The following KCTD16 variants were observed in gnomAD, a reference collection of about 807,000 sequenced individuals.
KCTD16 encodes potassium channel tetramerization domain containing 16, also known as BTB/POZ domain-containing protein KCTD16.
In KCTD16, 13 loss-of-function variants were observed where a neutral mutation model predicts 33.2. That is an observed-to-expected ratio of 0.39 (90% CI 0.25 to 0.62). The LOEUF (loss-of-function observed/expected upper bound fraction) is 0.62. KCTD16 is among the 20% of genes least tolerant of loss of function. The probability of loss-of-function intolerance (pLI) is 0.50; values close to 1 mark genes in which losing one functional copy is unlikely to be tolerated. For missense variants in KCTD16, 441 were observed against 525.1 expected, an observed-to-expected ratio of 0.84 and a Z score of 1.57; for synonymous variants, 197 against 195.3, an observed-to-expected ratio of 1.01 and a Z score of -0.07.
chr5:144,447,627 TA>T (rs1434061570), intron 3 of KCTD16, among the ~76,000 whole-genome samples: 1 of 151,632 alleles, frequency 6.6e-6, no homozygotes, highest in African/African-American at 2.4e-5. Flanking sequence ...TCAGGAAAAG[TA>T]AAAAAATGTG....
chr5:144,361,330 G>A (rs886380115), intron 3 of KCTD16, among the ~76,000 whole-genome samples: 21 of 151,928 alleles, frequency 1.4e-4, no homozygotes, highest in Non-Finnish European at 1.8e-4. Flanking sequence ...CTAGATTGTT[G>A]GGGATGTTAT....
chr5:144,238,044 A>G (rs969701477), intron 3 of KCTD16, among the ~76,000 whole-genome samples: 1 of 152,188 alleles, frequency 6.6e-6, no homozygotes, highest in South Asian at 2.1e-4. Context: ...GGGGAAATTG[A>G]TGCCATCACT....
chr5:144,289,540 T>G (rs1755837877), intron 3 of KCTD16, among the ~76,000 whole-genome samples: 1 of 152,178 alleles, frequency 6.6e-6, no homozygotes, highest in Non-Finnish European at 1.5e-5. Flanking sequence ...GATTCCATGC[T>G]CGTACTTTCC....
At chr5:144,448,019 A>C (rs1753859580) in intron 3 of KCTD16, among the ~76,000 whole-genome samples, 1 of 151,562 alleles carries the variant, frequency 6.6e-6, no homozygotes, top group African/African-American at 2.4e-5. Context: ...GGGCCTTTAC[A>C]ATCTGATCTG....
At chr5:144,376,928 A>C (rs1752106190) in intron 3 of KCTD16, among the ~76,000 whole-genome samples, 1 of 152,228 alleles carries the variant, frequency 6.6e-6, no homozygotes, top group Non-Finnish European at 1.5e-5. Context: ...ATAATTGAGC[A>C]GTCTTTCTGT....
At chr5:144,370,882 C>G (rs1162465010) in intron 3 of KCTD16, among the ~76,000 whole-genome samples, 1 of 152,042 alleles carries the variant, frequency 6.6e-6, no homozygotes, top group African/African-American at 2.4e-5. Context: ...AACCATCAAT[C>G]ACAGTCCTAA....
intron 1 of KCTD16, among the ~76,000 whole-genome samples, chr5:144,171,323 C>T (rs1261858276): frequency 6.6e-6 from 1 of 151,806 alleles, no homozygotes; most frequent in African/African-American, 2.4e-5. Flanking sequence ...TTAGAGAAGA[C>T]CAGAAAAGAG....
intron 3 of KCTD16, among the ~76,000 whole-genome samples, chr5:144,234,004 C>T (rs747881189): frequency 7.9e-5 from 12 of 152,124 alleles, no homozygotes; most frequent in Admixed American, 2.0e-4. Flanking sequence ...GTAATATTTT[C>T]TGCTTAGAAA....
At chr5:144,423,420 T>G (rs1753253820) in intron 3 of KCTD16, among the ~76,000 whole-genome samples, 1 of 152,136 alleles carries the variant, frequency 6.6e-6, no homozygotes, top group Non-Finnish European at 1.5e-5. Context: ...AGGAGAGAGA[T>G]AATGACTTCT....
chr5:144,367,747 G>A (rs1048715579), intron 3 of KCTD16, among the ~76,000 whole-genome samples: 1 of 147,844 alleles, frequency 6.8e-6, no homozygotes, highest in Admixed American at 6.9e-5. Flanking sequence ...GTGCAGGTTT[G>A]TTACAAAGAT....
rs956247718 is a variant in KCTD16, at chr5:144,476,821, G to A, written c.*2707G>A. On this transcript the variant is annotated 3_prime_UTR_variant, in exon 4 of 4. Transcript: ENST00000512467. ...TGCTCTAGTAACTCTGGTAGTCACT[G>A]TGACTCGGGCATGTTTCCCTGAAGT... The A allele has an allele frequency of 6.6e-6, 1 of 152,138 alleles. No individual in the cohort carries two copies. The highest frequency in any genetic ancestry group is 1.5e-5 in the Non-Finnish European group (1 of 68,016). The allele number at this position is 152,138 out of a possible 1,614,324, so 9.4% of individuals were successfully genotyped here. A position where few individuals can be genotyped will look rare whatever the true frequency, so the allele number is the denominator to read the frequency against.
intron 2 of KCTD16, among the ~76,000 whole-genome samples, chr5:144,181,297 T>G (rs1184802431): frequency 3.3e-5 from 5 of 152,186 alleles, no homozygotes; most frequent in Non-Finnish European, 5.9e-5. Context: ...AAACCACCAC[T>G]TCTCAATGGG....
Position 144,439,211 on chromosome 5 carries a change from G to A in KCTD16, c.833-34449G>A, listed in dbSNP as rs542493726. Reference sequence around the variant, plus strand: ...AGCTTGCAGACACAGCGATCATATCGCATAAATAAATTTACTATTTGGAGA... The same window carrying A: ...AGCTTGCAGACACAGCGATCATATCACATAAATAAATTTACTATTTGGAGA... On this transcript the variant is annotated intron_variant, in intron 3 of 3. Coordinates refer to ENST00000512467, the MANE Select transcript of KCTD16 (RefSeq NM_020768.4). The A allele has an allele frequency of 8.0e-5, 16 of 200,098 alleles. No individual in the cohort carries two copies. In the East Asian group the frequency reaches 2.0e-3, roughly 25 times the overall value. 12.4% of individuals were successfully genotyped at this position (200,098 alleles called of 1,614,324 possible).
intron 3 of KCTD16, among the ~76,000 whole-genome samples, chr5:144,426,440 AT>A (rs1753331529): frequency 6.6e-6 from 1 of 152,132 alleles, no homozygotes; most frequent in Non-Finnish European, 1.5e-5. Context: ...TTTGCAAAAA[AT>A]ACAGGCTTTT....
chr5:144,422,272 T>C (rs1580952312), intron 3 of KCTD16, among the ~76,000 whole-genome samples: 1 of 152,314 alleles, frequency 6.6e-6, no homozygotes, highest in East Asian at 1.9e-4. Flanking sequence ...TCTAAGCTGT[T>C]GATTTACATC....
chr5:144,263,249 T>G (rs765754505), intron 3 of KCTD16, among the ~76,000 whole-genome samples: 1 of 152,230 alleles, frequency 6.6e-6, no homozygotes, highest in Non-Finnish European at 1.5e-5. Context: ...GCATGGGAGA[T>G]GTAATGGTAC....
At chr5:144,418,692 A>G (rs962191648) in intron 3 of KCTD16, among the ~76,000 whole-genome samples, 1 of 152,190 alleles carries the variant, frequency 6.6e-6, no homozygotes, top group Non-Finnish European at 1.5e-5. Flanking sequence ...AAACACAGGG[A>G]ACCAATTCTT....
At chr5:144,466,171 T>C (rs914970866) in intron 3 of KCTD16, among the ~76,000 whole-genome samples, 37 of 152,046 alleles carry the variant, frequency 2.4e-4, no homozygotes, top group African/African-American at 7.0e-4. Flanking sequence ...AGATATCACA[T>C]ACTGATTGGT....
chr5:144,329,071 T>C lies in KCTD16; in HGVS notation c.832+121525T>C, dbSNP rs1049554923. ...TCTAGTGCTTTTCAAGGCAAACTTA[T>C]TTGAAATATTGTTTGCATCCCACAA... is the stretch of plus-strand genomic sequence containing the variant. On this transcript the variant is annotated intron_variant, in intron 3 of 3. Coordinates refer to ENST00000512467, the MANE Select transcript of KCTD16 (RefSeq NM_020768.4). Among the ~76,000 whole-genome samples, 3 of 152,134 alleles carry C rather than the reference T, an allele frequency of 2.0e-5. No homozygotes were observed. The East Asian group carries it at 5.8e-4, about 29-fold the overall frequency.
Sources: gnomAD v4.1 joint callset for allele counts (sites outside exome capture counted in the v4.1 genomes callset) on GRCh38, gnomAD v4.1.1 for gene constraint, MANE v1.5 for transcripts, NCBI Gene and HGNC (gene_info 2026-07-23, HGNC 2026-07-21) for gene names.